The following KATNB1 variants were observed in gnomAD, a reference collection of about 807,000 sequenced individuals.
KATNB1 encodes katanin regulatory subunit B1.
Under a neutral mutation model 82.3 loss-of-function variants are expected in KATNB1, and 38 were observed. The observed-to-expected ratio is 0.46, with a 90% CI of 0.36 to 0.61. The LOEUF (loss-of-function observed/expected upper bound fraction) is 0.61. Among genes scored for constraint, KATNB1 ranks in the 20% least tolerant of loss-of-function variants. The pLI is 0.00. For missense variants in KATNB1, 749 were observed against 915.7 expected (o/e 0.82, Z 2.35); for synonymous variants, 361 against 368.7 (o/e 0.98, Z 0.24).
Position 57,744,441 on chromosome 16 carries a change from C to T in KATNB1, c.219C>T (p.Thr73=). The change falls in exon 4 of 20, where the codon ACC becomes ACT. Residue 73 remains threonine, a synonymous_variant. Coordinates refer to ENST00000379661, the MANE Select transcript of KATNB1 (RefSeq NM_005886.3). ...TSPVESVRLN[T]PEELIVAGSQ... is the part of the protein sequence containing the mutation. ...CAGTGGAGAGCGTCCGCCTCAACAC[C>T]CCCGAGGAGCTCATCGTGGCCGGCT... 1 of 1,614,046 alleles carries T rather than the reference C, an allele frequency of 6.2e-7. No individual in the cohort carries two copies. Among genetic ancestry groups the T allele is most frequent in the African/African-American group, 1.3e-5 (1 of 75,060 alleles).
At chr16:57,754,894 T>G in intron 13 of KATNB1, 36 bp from the exon 14 acceptor site, 1 of 1,612,274 alleles carries the variant, frequency 6.2e-7, no homozygotes, top group South Asian at 1.1e-5. Context: ...CAGGCCCTTC[T>G]GGCCGGACCC....
In KATNB1 at chr16:57,756,338, A is replaced by T; in HGVS notation, c.1719-18A>T. 2 of 1,605,148 alleles carry T rather than the reference A, an allele frequency of 1.2e-6. No individual in the cohort carries two copies. Among genetic ancestry groups the T allele is most frequent in the Non-Finnish European group, 1.7e-6 (2 of 1,174,032 alleles). On this transcript the variant is annotated intron_variant, in intron 18 of 19. Transcript: ENST00000379661. ...TGGCCCTTGGTCCATCTGTGACTTC[A>T]TCCATCTCCCCCTAAAGCTACGTCC...
chr16:57,753,454 A>G lies in KATNB1; in HGVS notation c.1112A>G (p.Glu371Gly), dbSNP rs1555584420. The change falls in exon 12 of 20, where the codon GAG becomes GGG. Residue 371 changes from glutamate (E) to glycine (G), a missense_variant. Physicochemically the swap from Glu to Gly is moderately conservative, Grantham distance 98. This residue lies in a region of KATNB1 where 407 missense variants were observed against 434.7 expected (regional missense o/e 0.94). Transcript: ENST00000379661. ...AGCGAGGATGACCGGGACGAGCGCG[A>G]GTCCCGCGCGGAGATCCAGAACGCC... Reference protein sequence around the residue: ...PSSEDDRDERESRAEIQNAED... With the variant: ...PSSEDDRDERGSRAEIQNAED... The G allele has an allele frequency of 1.2e-6, 2 of 1,602,962 alleles. No individual in the cohort carries two copies. Among genetic ancestry groups the G allele is most frequent in the South Asian group, 2.2e-5 (2 of 90,938 alleles).
chr16:57,755,762 G>A (rs1390230319), intron 16 of KATNB1, 79 bp from the exon 17 acceptor site: 10 of 1,372,310 alleles, frequency 7.3e-6, no homozygotes, highest in Admixed American at 4.4e-5. Context: ...CCACATTCAC[G>A]TTCGTACCCC....
intron 19 of KATNB1, 48 bp downstream of exon 19, chr16:57,756,520 G>T: frequency 6.6e-7 from 1 of 1,511,864 alleles, no homozygotes. Flanking sequence ...AACAGGTGAG[G>T]GGACAAAGGC....
intron 8 of KATNB1, 38 bp from the exon 9 acceptor site, chr16:57,752,492 G>C: frequency 6.5e-7 from 1 of 1,543,116 alleles, no homozygotes; most frequent in Non-Finnish European, 8.8e-7. Flanking sequence ...GCCAGGATGA[G>C]GGATAGGCTT....
intron 9 of KATNB1, 49 bp from the exon 10 acceptor site, chr16:57,752,729 G>A (rs782231002): frequency 6.3e-7 from 1 of 1,591,130 alleles, no homozygotes; most frequent in Admixed American, 1.7e-5. Flanking sequence ...TCGGGGTGGG[G>A]ACCAGGCTGG....
intron 1 of KATNB1, 35 bp from the exon 2 acceptor site, chr16:57,736,943 T>G: frequency 3.1e-6 from 2 of 645,734 alleles, no homozygotes; most frequent in Non-Finnish European, 5.8e-6. Flanking sequence ...ACCAAGCATT[T>G]TCTAACATGA....
rs782506287 is a variant in KATNB1, at chr16:57,754,022, A to G, written c.1228+27A>G. On this transcript the variant is annotated intron_variant, in intron 13 of 19. Coordinates refer to ENST00000379661, the MANE Select transcript of KATNB1 (RefSeq NM_005886.3). ...TGAGTTGGGTGAGCCTGGTTTCCCA[A>G]GGTCTCTGATGCCCCCCCGTCCCTC... 5 of 1,603,080 alleles carry G rather than the reference A, an allele frequency of 3.1e-6. No homozygotes were observed. In the Admixed American group the frequency reaches 8.4e-5, roughly 27 times the overall value.
intron 8 of KATNB1, 41 bp downstream of exon 8, chr16:57,752,096 C>A: frequency 8.0e-7 from 1 of 1,252,428 alleles, no homozygotes; most frequent in Non-Finnish European, 1.2e-6. Flanking sequence ...TGACTGCTGT[C>A]CTTCACCGCC....
rs2148798473 is a variant in KATNB1, at chr16:57,757,053, T to C, written c.*107T>C. On this transcript the variant is annotated 3_prime_UTR_variant, in exon 20 of 20. Transcript: ENST00000379661. ...CCATGAGCCTCTGCCTGGCCCCTGCTGCTGTCCTGTGGCCGTCCTGGAGGA... is the reference window on the plus strand; with the variant it reads ...CCATGAGCCTCTGCCTGGCCCCTGCCGCTGTCCTGTGGCCGTCCTGGAGGA... The C allele has an allele frequency of 7.8e-7, 1 of 1,279,972 alleles. No individual in the cohort carries two copies. Among genetic ancestry groups the C allele is most frequent in the South Asian group, 1.9e-5 (1 of 54,014 alleles). 79.3% of individuals were successfully genotyped at this position (1,279,972 alleles called of 1,614,324 possible). A position where few individuals can be genotyped will look rare whatever the true frequency, so the allele number is the denominator to read the frequency against.
intron 18 of KATNB1, 108 bp from the exon 19 acceptor site, chr16:57,756,248 G>GT: frequency 4.5e-6 from 5 of 1,120,816 alleles, no homozygotes; most frequent in Non-Finnish European, 6.7e-6. Context: ...GTGTATGTGT[G>GT]GGTGTGTCTG....
At chr16:57,754,570 C>T (rs913594376) in intron 13 of KATNB1, among the ~76,000 whole-genome samples, 1 of 152,166 alleles carries the variant, frequency 6.6e-6, no homozygotes, top group African/African-American at 2.4e-5. Context: ...GTACCCCTGC[C>T]CTCCCCTCAG....
Position 57,751,767 on chromosome 16 carries a change from G to T in KATNB1, c.516+43G>T. 1 of 1,576,770 alleles carries T rather than the reference G, an allele frequency of 6.3e-7. No homozygotes were observed. Among genetic ancestry groups the T allele is most frequent in the Non-Finnish European group, 8.7e-7 (1 of 1,154,292 alleles). ...CTGGGCCCAGGGGCTGGGGGCTGGG[G>T]TCTGCTGATCACAGCAGGCTGAGTC... On this transcript the variant is annotated intron_variant, in intron 7 of 19. Transcript: ENST00000379661. This position sits in a 1 kb window ranked among gnomAD's most constrained non-coding sequence, Gnocchi z 6.3.
chr16:57,753,917 C>T (rs1555584591), intron 12 of KATNB1, 28 bp from the exon 13 acceptor site: 4 of 1,612,558 alleles, frequency 2.5e-6, no homozygotes, highest in Admixed American at 1.7e-5. Flanking sequence ...CAGGAGCGCT[C>T]ACAGCCAGGG....
intron 3 of KATNB1, 25 bp downstream of exon 3, chr16:57,741,842 G>C (rs782652522): frequency 6.2e-7 from 1 of 1,607,504 alleles, no homozygotes; most frequent in African/African-American, 1.3e-5. Context: ...CTGGCGGGGG[G>C]TCAGGACAAG....
rs782539949 is a variant in KATNB1, at chr16:57,756,903, G to A, written c.1925G>A (p.Ser642Asn). 93 of 1,552,324 alleles carry A rather than the reference G, an allele frequency of 6.0e-5. No individual in the cohort carries two copies. The highest frequency in any genetic ancestry group is 7.8e-5 in the Non-Finnish European group (90 of 1,147,576). ...TCAGGCCTGAGCGGCCGCCATGGCAGTACCTTCCGCGAGCTGCACCTGCTC... is the reference window on the plus strand; with the variant it reads ...TCAGGCCTGAGCGGCCGCCATGGCAATACCTTCCGCGAGCTGCACCTGCTC... ...SKSGLSGRHG[S>N]TFRELHLLMA... Residue 642 changes from serine (S) to asparagine (N), a missense_variant, in exon 20 of 20, where the codon AGT becomes AAT. Physicochemically the swap from Ser to Asn is conservative, Grantham distance 46. Coordinates refer to ENST00000379661, the MANE Select transcript of KATNB1 (RefSeq NM_005886.3).
Position 57,756,860 on chromosome 16 carries a change from G to T in KATNB1, c.1882G>T (p.Gly628Cys). The change falls in exon 20 of 20, where the codon GGC becomes TGC. Residue 628 changes from glycine (G) to cysteine (C), a missense_variant. By Grantham distance (159) the Gly-to-Cys change is radical (BLOSUM62 -3). Coordinates refer to ENST00000379661, the MANE Select transcript of KATNB1 (RefSeq NM_005886.3). ...CTACAAGCAGCTTAAGAGCATCAGC[G>T]GCCTGGTCAAGAGCAAGTCAGGCCT... ...LCYKQLKSIS[G>C]LVKSKSGLSG... The T allele has an allele frequency of 6.4e-7, 1 of 1,572,244 alleles. No individual in the cohort carries two copies. Among genetic ancestry groups the T allele is most frequent in the Non-Finnish European group, 8.6e-7 (1 of 1,158,278 alleles).
chr16:57,752,688 C>G, intron 9 of KATNB1, 87 bp downstream of exon 9: 1 of 1,552,244 alleles, frequency 6.4e-7, no homozygotes, highest in Non-Finnish European at 8.7e-7. Flanking sequence ...TCCGCTGCTG[C>G]GCCCTCCCTG....
Sources: allele counts gnomAD v4.1 joint callset (sites outside exome capture counted in the v4.1 genomes callset), GRCh38; gene constraint gnomAD v4.1.1; regional missense constraint gnomAD v4.1.1; non-coding constraint Gnocchi (gnomAD v3.1); transcripts MANE v1.5; gene names NCBI Gene and HGNC (gene_info 2026-07-23, HGNC 2026-07-21).